The following PLEKHM3 variants were observed in gnomAD, a reference collection of about 807,000 sequenced individuals.
PLEKHM3 encodes the protein pleckstrin homology domain-containing family M member 3.
PLEKHM3 carries 45 observed loss-of-function variants against 81.8 expected under a neutral mutation model. That is an observed-to-expected ratio of 0.55 (90% CI 0.43 to 0.71). The LOEUF (loss-of-function observed/expected upper bound fraction) is 0.71. Ranked by LOEUF, PLEKHM3 falls within the 30% of genes least tolerant of loss-of-function variation. The probability of loss-of-function intolerance (pLI) is 0.00; values close to 1 mark genes in which losing one functional copy is unlikely to be tolerated. For synonymous variants in PLEKHM3, 352 were observed against 356.4 expected, an observed-to-expected ratio of 0.99 and a Z score of 0.14; for missense variants, 788 against 924.3, an observed-to-expected ratio of 0.85 and a Z score of 1.91.
intron 6 of PLEKHM3, among the ~76,000 whole-genome samples, chr2:207,877,382 C>T (rs557174061): frequency 3.3e-5 from 5 of 152,278 alleles, no homozygotes; most frequent in Admixed American, 1.3e-4. Flanking sequence ...GGAGAGCTGA[C>T]GCCTATCTAG....
rs1473965612 is a variant in PLEKHM3 at position 207,821,298 on chromosome 2, AT to A, written c.*7020del. The A allele has an allele frequency of 1.3e-5, 2 of 151,806 alleles. No individual in the cohort carries two copies. The highest frequency in any genetic ancestry group is 2.4e-5 in the African/African-American group (1 of 41,182). 9.4% of individuals were successfully genotyped at this position (151,806 alleles called of 1,614,324 possible). On this transcript the variant is annotated 3_prime_UTR_variant, in exon 8 of 8. Transcript: ENST00000427836. ...TATGAGAAAGGAAAGTATTTTCTGC[AT>A]TGTTTATTGAGAGAGAGAGAGAGAG...
At chr2:208,014,213 C>A (rs1236249595) in intron 1 of PLEKHM3, among the ~76,000 whole-genome samples, 1 of 152,164 alleles carries the variant, frequency 6.6e-6, no homozygotes, top group African/African-American at 2.4e-5. Context: ...CTGTCTCTGA[C>A]CCTCAAAGAT....
intron 6 of PLEKHM3, among the ~76,000 whole-genome samples, chr2:207,865,858 T>C (rs1274122000): frequency 2.2e-5 from 3 of 135,056 alleles, no homozygotes; most frequent in African/African-American, 8.2e-5. Flanking sequence ...TTTATAGATT[T>C]GCCTATTCTG....
chr2:207,975,306 GT>G (rs1691267560), intron 3 of PLEKHM3, among the ~76,000 whole-genome samples: 1 of 152,084 alleles, frequency 6.6e-6, no homozygotes, highest in African/African-American at 2.4e-5. Flanking sequence ...AGTTCAAAAC[GT>G]GGGTTTTCAA....
In PLEKHM3 at chr2:207,865,796, AAAAAAAGATATAT is replaced by A. The variant is rs1363827235; in HGVS notation, c.1951-4547_1951-4535del. 7.7e-4 allele frequency among the ~76,000 whole-genome samples: 35 copies of A among 45,410 alleles called. 1 individual carries two copies. The highest frequency in any genetic ancestry group is 3.8e-3 in the African/African-American group (34 of 8,936). The allele number at this position is 45,410 out of a possible 152,430, so 29.8% of individuals were successfully genotyped here. Reference sequence around the variant, plus strand: ...AACTCCGACTCAAAAAAAAAAAAAAAAAAAAAGATATATATATATATATATATATATATATATA... The same window carrying A: ...AACTCCGACTCAAAAAAAAAAAAAAAATATATATATATATATATATATATA... On this transcript the variant is annotated intron_variant, in intron 6 of 7. Transcript: ENST00000427836.
intron 6 of PLEKHM3, among the ~76,000 whole-genome samples, chr2:207,865,801 A>AAAAAAAAATAT: frequency 4.0e-4 from 10 of 25,284 alleles, no homozygotes; most frequent in South Asian, 1.1e-3. Context: ...AAAAAAAAAA[A>AAAAAAAAATAT]AGATATATAT....
chr2:207,983,742 C>T (rs1691623150), intron 2 of PLEKHM3, among the ~76,000 whole-genome samples: 1 of 152,298 alleles, frequency 6.6e-6, no homozygotes, highest in East Asian at 1.9e-4. Context: ...ATAAATGCTA[C>T]TTACTGAAGA....
intron 7 of PLEKHM3, among the ~76,000 whole-genome samples, chr2:207,850,815 T>C (rs377614002): frequency 4.6e-5 from 7 of 152,318 alleles, no homozygotes; most frequent in East Asian, 1.9e-4. Flanking sequence ...CCTTAAATCA[T>C]AGAGCAGTGT....
chr2:207,831,315 T>C (rs2092286448), intron 7 of PLEKHM3, among the ~76,000 whole-genome samples: 1 of 151,842 alleles, frequency 6.6e-6, no homozygotes, highest in Non-Finnish European at 1.5e-5. Context: ...GGAGACAGAG[T>C]TGTGACTGGA....
At chr2:208,012,378 A>C (rs1692732212) in intron 1 of PLEKHM3, among the ~76,000 whole-genome samples, 1 of 152,260 alleles carries the variant, frequency 6.6e-6, no homozygotes, top group African/African-American at 2.4e-5. Context: ...ATGATGAAAG[A>C]GAACCCATGA....
At chr2:207,851,740 C>CAAAAAAAAAAAAAAAAA (rs10605219) in intron 7 of PLEKHM3, 1 of 64,306 alleles carries the variant, frequency 1.6e-5, no homozygotes, top group African/African-American at 6.2e-5. Flanking sequence ...AACTCCATCT[C>CAAAAAAAAAAAAAAAAA]AAAAAAAAAA....
At chr2:207,867,631 GAC>G (rs150604513) in intron 6 of PLEKHM3, among the ~76,000 whole-genome samples, 11 of 151,282 alleles carry the variant, frequency 7.3e-5, no homozygotes, top group East Asian at 3.9e-4. Flanking sequence ...TACATACATA[GAC>G]ACACACACAC....
intron 6 of PLEKHM3, among the ~76,000 whole-genome samples, chr2:207,869,544 A>G (rs757665968): frequency 4.6e-5 from 7 of 152,164 alleles, no homozygotes; most frequent in Non-Finnish European, 1.0e-4. Flanking sequence ...ATATATGACT[A>G]TTTCAGAGGT....
Position 207,983,910 on chromosome 2 carries a change from C to A in PLEKHM3, c.611-6324G>T, listed in dbSNP as rs144369444. Among the ~76,000 whole-genome samples the A allele has an allele frequency of 6.1e-4, 93 of 152,296 alleles. 2 individuals carry two copies. In the South Asian group the frequency reaches 8.5e-3, roughly 14 times the overall value. On this transcript the variant is annotated intron_variant, in intron 2 of 7. Coordinates refer to ENST00000427836, the MANE Select transcript of PLEKHM3 (RefSeq NM_001080475.3). Reference sequence around the variant, plus strand: ...AAGGTTGAGTCCTCCTCCTTCCTGGCCACTTCACCCACTGTTGCCAGGCTA... The same window carrying A: ...AAGGTTGAGTCCTCCTCCTTCCTGGACACTTCACCCACTGTTGCCAGGCTA...
intron 6 of PLEKHM3, among the ~76,000 whole-genome samples, chr2:207,896,509 G>A (rs549503971): frequency 2.0e-5 from 3 of 152,242 alleles, no homozygotes; most frequent in South Asian, 2.1e-4. Context: ...AATATTTTCA[G>A]AGGTAAGCTG....
intron 2 of PLEKHM3, among the ~76,000 whole-genome samples, chr2:207,993,637 A>T (rs1691972216): frequency 6.6e-6 from 1 of 151,976 alleles, no homozygotes; most frequent in South Asian, 2.1e-4. Context: ...CTTCTCCTGA[A>T]GTACTTAGAA....
At chr2:207,894,546 T>A (rs1688157820) in intron 6 of PLEKHM3, among the ~76,000 whole-genome samples, 1 of 139,170 alleles carries the variant, frequency 7.2e-6, no homozygotes, top group African/African-American at 2.7e-5. Context: ...CATGGTAGAG[T>A]TTCAGAAATG....
At chr2:207,895,283 G>A (rs1688186292) in intron 6 of PLEKHM3, among the ~76,000 whole-genome samples, 1 of 152,164 alleles carries the variant, frequency 6.6e-6, no homozygotes, top group South Asian at 2.1e-4. Flanking sequence ...CCAAGTCAGG[G>A]ATGGAGCAAA....
chr2:207,892,852 G>A (rs926251363), intron 6 of PLEKHM3, among the ~76,000 whole-genome samples: 1 of 152,170 alleles, frequency 6.6e-6, no homozygotes, highest in Non-Finnish European at 1.5e-5. Context: ...TTATCCCAAG[G>A]AGACAGACTG....
Sources: allele counts gnomAD v4.1 joint callset (sites outside exome capture counted in the v4.1 genomes callset), GRCh38; gene constraint gnomAD v4.1.1; transcripts MANE v1.5; gene names NCBI Gene and HGNC (gene_info 2026-07-23, HGNC 2026-07-21).